Variants in ANKFN1 observed in about 807,000 individuals in gnomAD.
ANKFN1 encodes ankyrin repeat and fibronectin type III domain containing 1, also known as ankyrin repeat and fibronectin type-III domain-containing protein 1.
ANKFN1 carries 74 observed loss-of-function variants against 108.7 expected under a neutral mutation model. The ratio of observed to expected loss-of-function variants is 0.68; its 90% CI spans 0.56 to 0.83. ANKFN1 has a LOEUF of 0.83. ANKFN1 is among the 40% of genes least tolerant of loss of function. The probability of loss-of-function intolerance (pLI) is 0.00; values close to 1 mark genes in which losing one functional copy is unlikely to be tolerated. For missense variants in ANKFN1, 1,505 were observed against 1,382.3 expected (o/e 1.09, Z -1.41); for synonymous variants, 547 against 516.2 (o/e 1.06, Z -0.81).
At chr17:56,337,755 T>C (rs2045853108) in intron 4 of ANKFN1, among the ~76,000 whole-genome samples, 1 of 152,172 alleles carries the variant, frequency 6.6e-6, no homozygotes, top group African/African-American at 2.4e-5. Context: ...CACAATGAGA[T>C]ACCATCTCAC....
At chr17:56,225,785 C>G (rs1353318417) in intron 2 of ANKFN1, among the ~76,000 whole-genome samples, 4 of 152,166 alleles carry the variant, frequency 2.6e-5, no homozygotes, top group Admixed American at 6.5e-5. Flanking sequence ...TTTTGTACCT[C>G]AAGAAAAATG....
At chr17:56,443,818 T>G (rs1008693563) in intron 10 of ANKFN1, among the ~76,000 whole-genome samples, 1 of 152,344 alleles carries the variant, frequency 6.6e-6, no homozygotes, top group Non-Finnish European at 1.5e-5. Flanking sequence ...GATTTTTCTA[T>G]GTAATGAGCC....
At chr17:56,098,902 G>A (rs1360768553) in intron 4 of ANKFN1, among the ~76,000 whole-genome samples, 1 of 151,906 alleles carries the variant, frequency 6.6e-6, no homozygotes, top group African/African-American at 2.4e-5. Flanking sequence ...TAGATAAAAG[G>A]AAGAGAAGGA....
At position 56,077,350 on chromosome 17, in the gene ANKFN1, G is replaced by A. The variant is rs114990931; in HGVS notation, c.288+31025G>A. Reference sequence around the variant, plus strand: ...AAAGAACCTTGGGTTGCAGGGCTAGGATGCCCTTCATGGATAGCCAAAATA... The same window carrying A: ...AAAGAACCTTGGGTTGCAGGGCTAGAATGCCCTTCATGGATAGCCAAAATA... On this transcript the variant is annotated intron_variant, in intron 4 of 12. Transcript: ENST00000635860. Among the ~76,000 whole-genome samples the A allele has an allele frequency of 5.6e-3, 853 of 152,246 alleles. 11 individuals carry two copies. Among genetic ancestry groups the A allele is most frequent in the African/African-American group, 0.02 (822 of 41,546 alleles).
At chr17:56,181,022 A>C (rs1239206038) in intron 1 of ANKFN1, among the ~76,000 whole-genome samples, 1 of 152,194 alleles carries the variant, frequency 6.6e-6, no homozygotes, top group Non-Finnish European at 1.5e-5. Context: ...TTATTGAGCA[A>C]CTTTCAAAGG....
At chr17:56,335,760 G>A (rs2045789405) in intron 4 of ANKFN1, among the ~76,000 whole-genome samples, 1 of 152,202 alleles carries the variant, frequency 6.6e-6, no homozygotes, top group Admixed American at 6.5e-5. Flanking sequence ...ATGTTGAATA[G>A]GAGTGGTGAG....
At chr17:56,266,143 G>C (rs371649901) in intron 3 of ANKFN1, among the ~76,000 whole-genome samples, 9 of 152,142 alleles carry the variant, frequency 5.9e-5, no homozygotes, top group African/African-American at 2.2e-4. Flanking sequence ...CTGGGCATTG[G>C]AGATATCTTC....
intron 3 of ANKFN1, chr17:56,252,332 A>T (rs1284278512): frequency 6.6e-6 from 1 of 152,242 alleles, no homozygotes; most frequent in African/African-American, 2.4e-5. Flanking sequence ...TTCACTACAG[A>T]GAAAATGAGG....
chr17:56,049,944 C>T (rs1194133792), intron 4 of ANKFN1, among the ~76,000 whole-genome samples: 1 of 152,104 alleles, frequency 6.6e-6, no homozygotes, highest in Non-Finnish European at 1.5e-5. Flanking sequence ...ATTTCTAGTT[C>T]TAGATTTCTG....
chr17:56,489,573 C>T (rs2050965962), intron 18 of ANKFN1, among the ~76,000 whole-genome samples: 1 of 152,032 alleles, frequency 6.6e-6, no homozygotes, highest in South Asian at 2.1e-4. Context: ...ACCCACTGAT[C>T]CAGGCTCCCA....
At chr17:56,060,497 T>C (rs946998197) in intron 4 of ANKFN1, among the ~76,000 whole-genome samples, 13 of 152,114 alleles carry the variant, frequency 8.5e-5, no homozygotes, top group African/African-American at 3.1e-4. Flanking sequence ...GAGGGGATCC[T>C]TTTCTTGTAC....
At chr17:56,278,365 A>G (rs756650540) in intron 3 of ANKFN1, among the ~76,000 whole-genome samples, 2 of 152,210 alleles carry the variant, frequency 1.3e-5, no homozygotes, top group African/African-American at 2.4e-5. Context: ...AAAATTCCCA[A>G]ATTAGGAATT....
chr17:56,232,600 GATCT>G (rs1916822554), intron 3 of ANKFN1, among the ~76,000 whole-genome samples: 1 of 152,108 alleles, frequency 6.6e-6, no homozygotes, highest in Non-Finnish European at 1.5e-5. Flanking sequence ...TTGTCAGTTT[GATCT>G]GCCTCTTGGC....
intron 1 of ANKFN1, among the ~76,000 whole-genome samples, chr17:56,194,050 A>T (rs755679199): frequency 6.6e-5 from 10 of 152,192 alleles, no homozygotes; most frequent in Non-Finnish European, 1.0e-4. Context: ...GTCACTAGGG[A>T]ACGAAAATTA....
chr17:56,211,257 T>C (rs117006204), intron 1 of ANKFN1, among the ~76,000 whole-genome samples: 7,281 of 152,276 alleles, frequency 0.048, 201 homozygotes, highest in Middle Eastern at 0.086. Flanking sequence ...TAGTCTTTAA[T>C]CCATCTTGAG....
At chr17:56,235,054 A>G (rs1224865575) in intron 3 of ANKFN1, among the ~76,000 whole-genome samples, 3 of 152,024 alleles carry the variant, frequency 2.0e-5, no homozygotes, top group African/African-American at 7.2e-5. Flanking sequence ...TCTGACTGGT[A>G]TGAGATGGTA....
At position 56,208,491 on chromosome 17, in the gene ANKFN1, T is replaced by A. The variant is rs117033916; in HGVS notation, c.-70-4107T>A. 6.8e-4 allele frequency among the ~76,000 whole-genome samples: 103 copies of A among 152,296 alleles called. 1 individual carries two copies. In the East Asian group the frequency reaches 0.016, roughly 24 times the overall value. On this transcript the variant is annotated intron_variant, in intron 1 of 20. Coordinates refer to ENST00000682825, the MANE Select transcript of ANKFN1 (RefSeq NM_001370326.1). The stretch of plus-strand genomic sequence containing the variant: ...GACATTGGCAGCTGTCCCCCGGGGA[T>A]AAGGTGCAAAATCTCCTAGGGGTAA...
At chr17:56,475,303 A>G (rs2050462214) in intron 15 of ANKFN1, among the ~76,000 whole-genome samples, 1 of 152,220 alleles carries the variant, frequency 6.6e-6, no homozygotes. Context: ...CCTCAAAAGT[A>G]GGGATGACAT....
chr17:56,047,748 T>A (rs1463629376), intron 4 of ANKFN1, among the ~76,000 whole-genome samples: 1 of 152,122 alleles, frequency 6.6e-6, no homozygotes, highest in East Asian at 1.9e-4. Flanking sequence ...AGGGCTCAGG[T>A]GGCCATCCAA....
Sources: allele counts gnomAD v4.1 joint callset (sites outside exome capture counted in the v4.1 genomes callset), GRCh38; gene constraint gnomAD v4.1.1; transcripts MANE v1.5; gene names NCBI Gene and HGNC (gene_info 2026-07-23, HGNC 2026-07-21).